Variants in ARHGEF38 observed in about 807,000 individuals in gnomAD.
ARHGEF38 encodes the protein Rho guanine nucleotide exchange factor 38.
A neutral mutation model predicts 79.9 loss-of-function variants in ARHGEF38; 79 were observed. That is an observed-to-expected ratio of 0.99 (90% CI 0.82 to 1.19). ARHGEF38 has a LOEUF of 1.19. Among genes scored for constraint, ARHGEF38 ranks in the 50% most tolerant of loss-of-function variants. The pLI is 0.00. For synonymous variants in ARHGEF38, 366 were observed against 328.3 expected, an observed-to-expected ratio of 1.11 and a Z score of -1.24; for missense variants, 962 against 907.2, an observed-to-expected ratio of 1.06 and a Z score of -0.78.
intron 9 of ARHGEF38, among the ~76,000 whole-genome samples, chr4:105,656,164 C>T (rs555204827): frequency 3.3e-5 from 5 of 152,064 alleles, no homozygotes; most frequent in Admixed American, 1.3e-4. Context: ...AAGCAATCCT[C>T]GCTCCTCAGC....
chr4:105,674,894 G>C (rs751425496), intron 13 of ARHGEF38, among the ~76,000 whole-genome samples: 23 of 151,960 alleles, frequency 1.5e-4, no homozygotes, highest in Non-Finnish European at 2.9e-4. Flanking sequence ...CTATTAGTAG[G>C]CAATCTAACC....
intron 9 of ARHGEF38, among the ~76,000 whole-genome samples, chr4:105,657,131 T>C (rs1730366213): frequency 6.6e-6 from 1 of 152,232 alleles, no homozygotes; most frequent in South Asian, 2.1e-4. Flanking sequence ...ATGTATTTTC[T>C]GCATTTAATT....
chr4:105,564,540 G>A (rs1725794046), intron 1 of ARHGEF38, among the ~76,000 whole-genome samples: 1 of 152,144 alleles, frequency 6.6e-6, no homozygotes, highest in African/African-American at 2.4e-5. Flanking sequence ...TTCAATTTGG[G>A]AAGATGAAAA....
chr4:105,656,184 A>G (rs927240207), intron 9 of ARHGEF38, among the ~76,000 whole-genome samples: 16 of 152,152 alleles, frequency 1.1e-4, no homozygotes, highest in African/African-American at 3.9e-4. Context: ...CCTCTCGAGT[A>G]GCTGGAACTA....
chr4:105,668,888 T>C (rs1730862722), intron 13 of ARHGEF38, among the ~76,000 whole-genome samples: 1 of 151,760 alleles, frequency 6.6e-6, no homozygotes, highest in African/African-American at 2.4e-5. Context: ...CTACTAAAAA[T>C]CAAAAAAATT....
intron 3 of ARHGEF38, among the ~76,000 whole-genome samples, chr4:105,619,541 A>G (rs78277158): frequency 0.017 from 2,613 of 152,252 alleles, 39 homozygotes; most frequent in Non-Finnish European, 0.026. Flanking sequence ...AATACAGATT[A>G]ACAGGTGAGA....
chr4:105,615,443 A>T (rs545651729), intron 3 of ARHGEF38, among the ~76,000 whole-genome samples: 53 of 152,288 alleles, frequency 3.5e-4, no homozygotes, highest in African/African-American at 1.2e-3. Context: ...GAAAATTTTT[A>T]AAAATGGGGT....
chr4:105,620,529 A>G (rs1264723303), intron 3 of ARHGEF38, among the ~76,000 whole-genome samples: 1 of 152,184 alleles, frequency 6.6e-6, no homozygotes, highest in Non-Finnish European at 1.5e-5. Flanking sequence ...ATCTATTTAA[A>G]ATGCCTGATT....
intron 1 of ARHGEF38, among the ~76,000 whole-genome samples, chr4:105,565,546 A>G (rs1489882450): frequency 6.6e-6 from 1 of 152,150 alleles, no homozygotes; most frequent in Non-Finnish European, 1.5e-5. Context: ...TCTGTCTGGA[A>G]TAAAACTGTA....
chr4:105,597,272 A>G (rs1201768474), intron 2 of ARHGEF38, among the ~76,000 whole-genome samples: 1 of 152,226 alleles, frequency 6.6e-6, no homozygotes, highest in Non-Finnish European at 1.5e-5. Flanking sequence ...TATTTGCTAA[A>G]ATTTTGCCCA....
intron 1 of ARHGEF38, among the ~76,000 whole-genome samples, chr4:105,561,157 G>T (rs535870469): frequency 6.6e-6 from 1 of 152,082 alleles, no homozygotes; most frequent in African/African-American, 2.4e-5. Flanking sequence ...GGTGGCCAAG[G>T]TGGGTCTATC....
intron 1 of ARHGEF38, among the ~76,000 whole-genome samples, chr4:105,581,905 C>T (rs1726808624): frequency 6.6e-6 from 1 of 152,026 alleles, no homozygotes; most frequent in South Asian, 2.1e-4. Context: ...GTGGCTCACG[C>T]TTGTAATCCC....
At chr4:105,656,821 C>T (rs1049942664) in intron 9 of ARHGEF38, among the ~76,000 whole-genome samples, 1 of 152,004 alleles carries the variant, frequency 6.6e-6, no homozygotes, top group Admixed American at 6.6e-5. Flanking sequence ...CAGTGAAGAG[C>T]CTCACATAAT....
chr4:105,678,065 T>TC lies in ARHGEF38; in HGVS notation c.*128_*129insC. On this transcript the variant is annotated 3_prime_UTR_variant, in exon 14 of 14. Transcript: ENST00000420470. ...CTACAGAAACTGATACTGTACTGGG[T>TC]TTTCAGGAATACTGTACTTCCTAAC... The TC allele has an allele frequency of 3.0e-6, 2 of 676,444 alleles. No individual in the cohort carries two copies. The highest frequency in any genetic ancestry group is 6.0e-5 in the South Asian group (2 of 33,394). The allele number at this position is 676,444 out of a possible 1,614,324, so 41.9% of individuals were successfully genotyped here.
intron 3 of ARHGEF38, among the ~76,000 whole-genome samples, chr4:105,630,590 G>A (rs564171621): frequency 6.6e-6 from 1 of 152,212 alleles, no homozygotes; most frequent in Non-Finnish European, 1.5e-5. Context: ...TGTGTGTAAA[G>A]TTGCCTTTGA....
intron 1 of ARHGEF38, among the ~76,000 whole-genome samples, chr4:105,565,313 A>G (rs1725833224): frequency 6.6e-6 from 1 of 152,128 alleles, no homozygotes; most frequent in Non-Finnish European, 1.5e-5. Flanking sequence ...ATTATTTTCA[A>G]CCTATTTCAC....
At chr4:105,627,098 T>A (rs1405472157) in intron 3 of ARHGEF38, among the ~76,000 whole-genome samples, 1 of 152,178 alleles carries the variant, frequency 6.6e-6, no homozygotes, top group Non-Finnish European at 1.5e-5. Context: ...TCCCTTGGTG[T>A]CCTGTATAAT....
chr4:105,555,989 G>A (rs1725234544), intron 1 of ARHGEF38, among the ~76,000 whole-genome samples: 1 of 152,124 alleles, frequency 6.6e-6, no homozygotes, highest in Admixed American at 6.6e-5. Context: ...TAAAACCTTT[G>A]CAGAAGATTG....
At chr4:105,655,513 G>A (rs943205527) in intron 8 of ARHGEF38, 90 bp from the exon 9 acceptor site, 2 of 1,305,800 alleles carry the variant, frequency 1.5e-6, no homozygotes, top group Admixed American at 2.4e-5. Flanking sequence ...TGATAATTAA[G>A]GGTTATGCTG....
Sources: gnomAD v4.1 joint callset for allele counts (sites outside exome capture counted in the v4.1 genomes callset) on GRCh38, gnomAD v4.1.1 for gene constraint, MANE v1.5 for transcripts, NCBI Gene and HGNC (gene_info 2026-07-23, HGNC 2026-07-21) for gene names.